The following ADCY2 variants were observed in gnomAD, a reference collection of about 807,000 sequenced individuals.
The protein encoded by ADCY2 is adenylate cyclase 2, also known as adenylate cyclase type 2.
A neutral mutation model predicts 125.2 loss-of-function variants in ADCY2; 31 were observed. The observed-to-expected ratio is 0.25, with a 90% CI of 0.19 to 0.33. The LOEUF (loss-of-function observed/expected upper bound fraction) is 0.33, where lower values mean the gene tolerates loss of function less well. ADCY2 is among the 10% of genes least tolerant of loss of function. ADCY2 has a pLI of 1.00. For missense variants in ADCY2, 904 were observed against 1,418.2 expected (o/e 0.64, Z 5.82); for synonymous variants, 512 against 548.4 (o/e 0.93, Z 0.93).
At chr5:7,400,932 G>A (rs1739240630) in intron 1 of ADCY2, among the ~76,000 whole-genome samples, 1 of 152,188 alleles carries the variant, frequency 6.6e-6, no homozygotes, top group South Asian at 2.1e-4. Context: ...GCATCCTTTG[G>A]ATATTGAAAT....
chr5:7,518,778 C>T (rs952682952), intron 2 of ADCY2, among the ~76,000 whole-genome samples: 1 of 152,106 alleles, frequency 6.6e-6, no homozygotes, highest in East Asian at 1.9e-4. Flanking sequence ...AGAAGGTGCT[C>T]AGAGTCCACC....
chr5:7,722,210 C>T lies in ADCY2; in HGVS notation c.1704-2335C>T, dbSNP rs140303860. Among the ~76,000 whole-genome samples the T allele has an allele frequency of 4.4e-4, 67 of 152,202 alleles. 1 individual carries two copies. The highest frequency in any genetic ancestry group is 1.5e-3 in the African/African-American group (62 of 41,522). On this transcript the variant is annotated intron_variant, in intron 12 of 24. Transcript: ENST00000338316. ...CGAAGCACCACATGGGTTCTGGGGA[C>T]TTAAGGCAAGGAAGCCTGATCCTGA...
intron 3 of ADCY2, among the ~76,000 whole-genome samples, chr5:7,553,097 A>G (rs1395316993): frequency 6.6e-6 from 1 of 152,222 alleles, no homozygotes; most frequent in Non-Finnish European, 1.5e-5. Context: ...TTCTCAACAG[A>G]TGCTTAAGCC....
chr5:7,450,876 C>A (rs2126419535), intron 2 of ADCY2, among the ~76,000 whole-genome samples: 1 of 152,280 alleles, frequency 6.6e-6, no homozygotes, highest in Middle Eastern at 3.4e-3. Context: ...GACAGTGTAT[C>A]TGTTTACGGC....
At chr5:7,699,607 G>A (rs187247084) in intron 7 of ADCY2, among the ~76,000 whole-genome samples, 2 of 152,060 alleles carry the variant, frequency 1.3e-5, no homozygotes, top group South Asian at 4.2e-4. Flanking sequence ...TTGCTTTTGA[G>A]ATAAGGTCAT....
At chr5:7,449,936 C>T (rs1395742178) in intron 2 of ADCY2, among the ~76,000 whole-genome samples, 2 of 152,276 alleles carry the variant, frequency 1.3e-5, no homozygotes, top group South Asian at 2.1e-4. Context: ...TGGGGCACCA[C>T]GAACCGCAGC....
At position 7,547,589 on chromosome 5, in the gene ADCY2, G is replaced by A. The variant is rs149344243; in HGVS notation, c.570+26690G>A. On this transcript the variant is annotated intron_variant, in intron 3 of 24. Transcript: ENST00000338316. ...TCTTACAAGCCTTCAGAATTAAAGA[G>A]CTTCTGAGCTTGCCTGTCTCCTTGT... is the stretch of plus-strand genomic sequence containing the variant. Among the ~76,000 whole-genome samples, 534 of 152,306 alleles carry A rather than the reference G, an allele frequency of 3.5e-3. 4 individuals carry two copies. The highest frequency in any genetic ancestry group is 0.012 in the African/African-American group (504 of 41,554).
intron 2 of ADCY2, among the ~76,000 whole-genome samples, chr5:7,441,278 C>T (rs1350126673): frequency 6.6e-6 from 1 of 152,154 alleles, no homozygotes; most frequent in African/African-American, 2.4e-5. Flanking sequence ...ATTGCAGCAG[C>T]AGCCATTGTC....
intron 2 of ADCY2, among the ~76,000 whole-genome samples, chr5:7,450,418 C>T (rs1438527747): frequency 3.3e-5 from 5 of 152,316 alleles, no homozygotes; most frequent in African/African-American, 1.2e-4. Flanking sequence ...AAGGCCCTAA[C>T]TCTCTTCAAT....
chr5:7,433,768 G>T lies in ADCY2; in HGVS notation c.408+18998G>T, dbSNP rs151220204. On this transcript the variant is annotated intron_variant, in intron 2 of 24. Transcript: ENST00000338316. ...GAACAGAATGGAGAGCTCAGAAAGA[G>T]ACTTGTTTATGTGGCAGGGGTGAAA... Among the ~76,000 whole-genome samples the T allele has an allele frequency of 2.4e-3, 365 of 152,248 alleles. 1 individual carries two copies. The highest frequency in any genetic ancestry group is 8.6e-3 in the African/African-American group (359 of 41,558).
intron 2 of ADCY2, among the ~76,000 whole-genome samples, chr5:7,483,571 T>C (rs1206516658): frequency 6.6e-6 from 1 of 152,216 alleles, no homozygotes; most frequent in African/African-American, 2.4e-5. Flanking sequence ...TTCTTCACAT[T>C]AAGACTTTTT....
chr5:7,459,729 TTAA>T (rs1741840097), intron 2 of ADCY2, among the ~76,000 whole-genome samples: 1 of 148,866 alleles, frequency 6.7e-6, no homozygotes, highest in African/African-American at 2.5e-5. Flanking sequence ...ACATATAACC[TTAA>T]TAAGTCAAAT....
chr5:7,764,957 C>T (rs757833897), intron 16 of ADCY2, among the ~76,000 whole-genome samples: 13 of 152,110 alleles, frequency 8.5e-5, no homozygotes, highest in African/African-American at 1.9e-4. Context: ...CTTGAATTTA[C>T]GGGTAGTTGA....
Position 7,397,456 on chromosome 5 carries a change from T to TTG in ADCY2, c.210+951_210+952insGT, listed in dbSNP as rs1554005030. On this transcript the variant is annotated intron_variant, in intron 1 of 24. Transcript: ENST00000338316. ...TTATCCACCAGTGAGTTTTTTTTTT[T>TTG]TTTTTTTTTTTTTTTTTAGTCAGTG... 4.2e-4 allele frequency among the ~76,000 whole-genome samples: 61 copies of TTG among 146,068 alleles called. 2 individuals carry two copies. In the South Asian group the frequency reaches 6.0e-3, roughly 14 times the overall value.
chr5:7,735,632 G>C (rs1007775329), intron 14 of ADCY2, among the ~76,000 whole-genome samples: 1 of 152,204 alleles, frequency 6.6e-6, no homozygotes, highest in Admixed American at 6.5e-5. Flanking sequence ...TAGGTTGACT[G>C]ATATTCAGAT....
chr5:7,533,320 G>A lies in ADCY2; in HGVS notation c.570+12421G>A, dbSNP rs186802880. Among the ~76,000 whole-genome samples the A allele has an allele frequency of 7.1e-4, 108 of 151,732 alleles. 3 individuals carry two copies. Among genetic ancestry groups the A allele is most frequent in the Admixed American group, 6.6e-3 (101 of 15,248 alleles). On this transcript the variant is annotated intron_variant, in intron 3 of 24. Transcript: ENST00000338316. ...CAATGTTAATTCCCTCTGTATTTGC[G>A]CTTGATTTTGCCTGGTTAGTTTCTT...
intron 4 of ADCY2, among the ~76,000 whole-genome samples, chr5:7,682,415 G>A (rs56003151): frequency 0.26 from 40,025 of 152,062 alleles, 6,707 homozygotes; most frequent in Non-Finnish European, 0.38. Flanking sequence ...CCCTCCCATG[G>A]CTTTGCCCCC....
intron 3 of ADCY2, among the ~76,000 whole-genome samples, chr5:7,590,047 C>A (rs546257571): frequency 6.6e-6 from 1 of 152,098 alleles, no homozygotes; most frequent in African/African-American, 2.4e-5. Flanking sequence ...GCTGGAGAAA[C>A]CCAAATCCCA....
chr5:7,489,927 A>G (rs556378146), intron 2 of ADCY2, among the ~76,000 whole-genome samples: 21 of 152,318 alleles, frequency 1.4e-4, no homozygotes, highest in African/African-American at 4.3e-4. Flanking sequence ...TGAGCTGCGT[A>G]TAGCTTCAGC....
Sources: gnomAD v4.1 joint callset for allele counts (sites outside exome capture counted in the v4.1 genomes callset) on GRCh38, gnomAD v4.1.1 for gene constraint, MANE v1.5 for transcripts, NCBI Gene and HGNC (gene_info 2026-07-23, HGNC 2026-07-21) for gene names.